Variants in KIF6 observed in about 807,000 individuals in gnomAD.
The protein encoded by KIF6 is kinesin-like protein KIF6.
Under a neutral mutation model 112.7 loss-of-function variants are expected in KIF6, and 106 were observed. The observed-to-expected ratio is 0.94, with a 90% confidence interval of 0.80 to 1.11. KIF6 has a LOEUF of 1.11. KIF6 is among the 50% of genes least tolerant of loss of function. The pLI is 0.00. For missense variants in KIF6, 929 were observed against 964.0 expected (o/e 0.96, Z 0.48); for synonymous variants, 339 against 339.9 (o/e 1.00, Z 0.03).
chr6:39,588,893 G>A (rs141291663), intron 7 of KIF6, among the ~76,000 whole-genome samples: 1 of 152,088 alleles, frequency 6.6e-6, no homozygotes, highest in African/African-American at 2.4e-5. Context: ...AACCACACAC[G>A]CCTTGGATTA....
rs1182795960 is a variant in KIF6, at chr6:39,337,246, T to TTTC, written c.2429-699_2429-698insGAA. Among the ~76,000 whole-genome samples the TTTC allele has an allele frequency of 7.2e-5, 6 of 83,906 alleles. 2 individuals are homozygous for TTTC. The highest frequency in any genetic ancestry group is 1.6e-4 in the African/African-American group (2 of 12,176). 55.0% of individuals were successfully genotyped at this position (83,906 alleles called of 152,430 possible). The stretch of plus-strand genomic sequence containing the variant: ...TTCTTTCTTTCTTTCTTTTTCTTTC[T>TTTC]TTTCTTTCCCTCCCTCCCTCCAGCC... On this transcript the variant is annotated intron_variant, in intron 22 of 22. Coordinates refer to ENST00000287152, the MANE Select transcript of KIF6 (RefSeq NM_145027.6).
chr6:39,555,505 G>T (rs7751353), intron 10 of KIF6, among the ~76,000 whole-genome samples: 29,439 of 151,986 alleles, frequency 0.19, 3,142 homozygotes, highest in South Asian at 0.32. Context: ...GTGGGGGAGG[G>T]TGCTAACAGA....
intron 13 of KIF6, among the ~76,000 whole-genome samples, chr6:39,436,468 G>C (rs1771537379): frequency 6.8e-6 from 1 of 147,106 alleles, no homozygotes; most frequent in Non-Finnish European, 1.5e-5. Context: ...TTTTTCCTAG[G>C]TTTTTTTTTT....
intron 13 of KIF6, among the ~76,000 whole-genome samples, chr6:39,450,206 T>C (rs1772598640): frequency 6.6e-6 from 1 of 152,160 alleles, no homozygotes; most frequent in African/African-American, 2.4e-5. Flanking sequence ...TTCAGAATGC[T>C]ATGGGGTCAT....
chr6:39,581,004 C>T (rs1333515472), intron 9 of KIF6, among the ~76,000 whole-genome samples: 2 of 151,978 alleles, frequency 1.3e-5, no homozygotes, highest in East Asian at 3.9e-4. Flanking sequence ...AATAATCTTC[C>T]TATCATAATG....
At chr6:39,584,622 T>C (rs725841) in intron 9 of KIF6, among the ~76,000 whole-genome samples, 63,947 of 151,580 alleles carry the variant, frequency 0.42, 15,109 homozygotes, top group African/African-American at 0.64. Flanking sequence ...GCAAGTGGCT[T>C]TTGAGTTAGA....
chr6:39,653,766 C>A (rs1266468666), intron 3 of KIF6, among the ~76,000 whole-genome samples: 2 of 152,124 alleles, frequency 1.3e-5, no homozygotes, highest in African/African-American at 4.8e-5. Context: ...TAAAGAGGAA[C>A]AACAGAGGGC....
intron 15 of KIF6, among the ~76,000 whole-genome samples, chr6:39,392,841 C>A (rs1271614071): frequency 2.0e-5 from 3 of 152,144 alleles, no homozygotes; most frequent in Non-Finnish European, 4.4e-5. Context: ...GGTAAAGAAG[C>A]AAATGGAGGC....
intron 7 of KIF6, among the ~76,000 whole-genome samples, chr6:39,587,308 C>T (rs1323936441): frequency 6.6e-6 from 1 of 152,218 alleles, no homozygotes; most frequent in Non-Finnish European, 1.5e-5. Flanking sequence ...GAGAATACCT[C>T]CGCCAATGCC....
intron 14 of KIF6, among the ~76,000 whole-genome samples, chr6:39,422,055 C>G (rs946642335): frequency 6.6e-6 from 1 of 152,146 alleles, no homozygotes; most frequent in African/African-American, 2.4e-5. Context: ...AGTGACTCCT[C>G]CCATTTCCTG....
chr6:39,660,296 A>C lies in KIF6; in HGVS notation c.252-20539T>G, dbSNP rs1018315208. 1.1e-4 allele frequency among the ~76,000 whole-genome samples: 16 copies of C among 152,242 alleles called. 1 individual carries two copies. The highest frequency in any genetic ancestry group is 3.3e-4 in the Admixed American group (5 of 15,284). ...GTTCTAGGTACAATATAATGGATGC[A>C]TGTAAAATTCATGTGCTGTCACAGT... On this transcript the variant is annotated intron_variant, in intron 3 of 22. Transcript: ENST00000287152.
At chr6:39,660,798 T>C (rs1786096336) in intron 3 of KIF6, among the ~76,000 whole-genome samples, 1 of 152,234 alleles carries the variant, frequency 6.6e-6, no homozygotes, top group South Asian at 2.1e-4. Context: ...GTCCATTTTC[T>C]TTCTAAATAA....
chr6:39,588,686 C>T (rs1781769497), intron 7 of KIF6, among the ~76,000 whole-genome samples: 1 of 152,170 alleles, frequency 6.6e-6, no homozygotes, highest in African/African-American at 2.4e-5. Flanking sequence ...CCAGATCTCA[C>T]CCATTATTAT....
chr6:39,412,353 G>T (rs1769542091), intron 15 of KIF6, among the ~76,000 whole-genome samples: 1 of 152,114 alleles, frequency 6.6e-6, no homozygotes, highest in Non-Finnish European at 1.5e-5. Flanking sequence ...AGTCATCTTT[G>T]CTCTTTTCGT....
chr6:39,411,939 T>C (rs186370663), intron 15 of KIF6, among the ~76,000 whole-genome samples: 1 of 152,194 alleles, frequency 6.6e-6, no homozygotes, highest in South Asian at 2.1e-4. Context: ...AATAAATAAG[T>C]TGTCCCCCTG....
chr6:39,346,429 A>T, intron 20 of KIF6, 47 bp downstream of exon 20: 2 of 716,964 alleles, frequency 2.8e-6, no homozygotes, highest in Non-Finnish European at 5.2e-6. Context: ...CCATGTGAGG[A>T]TGCGTCGAGA....
chr6:39,404,803 AT>A lies in KIF6; in HGVS notation c.1810+15144del, dbSNP rs1343880554. On this transcript the variant is annotated intron_variant, in intron 15 of 22. Transcript: ENST00000287152. ...ATATTGAGTCTTTTAATCCATAAAC[AT>A]TTTTTTGCCTCCATTTATTTATGTC... Among the ~76,000 whole-genome samples the A allele has an allele frequency of 2.0e-5, 3 of 151,966 alleles. 1 individual carries two copies. The highest frequency in any genetic ancestry group is 4.2e-4 in the South Asian group (2 of 4,806).
At chr6:39,472,285 C>T (rs1004429136) in intron 13 of KIF6, among the ~76,000 whole-genome samples, 1 of 152,136 alleles carries the variant, frequency 6.6e-6, no homozygotes, top group African/African-American at 2.4e-5. Context: ...GTTTTCATGC[C>T]AGGCTTCTCT....
rs1763485415 is a variant in KIF6, at chr6:39,343,725, G to T, written c.2412C>A (p.Ser804Arg). Residue 804 changes from serine to arginine, a missense_variant, in exon 22 of 23, where the codon AGC becomes AGA. This residue lies in a region of KIF6 where 241 missense variants were observed against 301.4 expected (regional missense o/e 0.80). Coordinates refer to ENST00000287152, the MANE Select transcript of KIF6 (RefSeq NM_145027.6). This position sits in a 1 kb window ranked among gnomAD's most constrained non-coding sequence, Gnocchi z 4.1. ...DIIAFIKARQ[S>R]ILQKQCLGSN ...TGCACTTACATTGCTTCTGCAGAAT[G>T]CTCTGTCTGGCCTTGATGAAGGCGA... is the stretch of plus-strand genomic sequence containing the variant. The T allele has an allele frequency of 6.2e-7, 1 of 1,609,732 alleles. No individual in the cohort carries two copies. The highest frequency in any genetic ancestry group is 1.3e-5 in the African/African-American group (1 of 74,766).
Sources: allele counts gnomAD v4.1 joint callset (sites outside exome capture counted in the v4.1 genomes callset), GRCh38; gene constraint gnomAD v4.1.1; regional missense constraint gnomAD v4.1.1; non-coding constraint Gnocchi (gnomAD v3.1); transcripts MANE v1.5; gene names NCBI Gene and HGNC (gene_info 2026-07-23, HGNC 2026-07-21).